ODF1: variants seen among roughly 807,000 people sequenced by gnomAD.
ODF1 encodes outer dense fiber protein 1.
Under a neutral mutation model 24.0 loss-of-function variants are expected in ODF1, and 10 were observed. The observed-to-expected ratio is 0.42, with a 90% CI of 0.26 to 0.71. The LOEUF (loss-of-function observed/expected upper bound fraction) is 0.71. Among genes scored for constraint, ODF1 ranks in the 30% least tolerant of loss-of-function variants. The pLI, the probability that ODF1 is intolerant of heterozygous loss-of-function variation, is 0.28. For missense variants in ODF1, 282 were observed against 307.9 expected (o/e 0.92, Z 0.63); for synonymous variants, 118 against 121.3 (o/e 0.97, Z 0.18).
rs1216919454 is a variant in ODF1 at position 102,560,819 on chromosome 8, T to C, written c.688T>C (p.Tyr230His). 1 of 1,612,714 alleles carries C rather than the reference T, an allele frequency of 6.2e-7. No individual in the cohort carries two copies. The highest frequency in any genetic ancestry group is 1.3e-5 in the African/African-American group (1 of 74,776). ...CAGCCCCTGCAACCCGTGCAGCCCA[T>C]ATGATCCTTGCAACCCGTGTTATCC... ...PCSPCNPCSP[Y>H]DPCNPCYPCG... Residue 230 changes from tyrosine to histidine, a missense_variant, in exon 2 of 2, where the codon TAT becomes CAT. Coordinates refer to ENST00000285402, the MANE Select transcript of ODF1 (RefSeq NM_024410.4).
Position 102,560,883 on chromosome 8 carries a change from A to G in ODF1, c.752A>G (p.Ter251=), listed in dbSNP as rs1375726637. The G allele has an allele frequency of 6.2e-7, 1 of 1,606,542 alleles. No individual in the cohort carries two copies. The highest frequency in any genetic ancestry group is 2.2e-5 in the East Asian group (1 of 44,872). ...TTTTCCTGTAGGAAGATGATTTTGT[A>G]AAGTGCGCATAGGAACCCATTACTT... ...SRFSCRKMIL[*] The change falls in exon 2 of 2, where the codon TAA becomes TGA. Residue 251 remains the stop codon, a stop_retained_variant. Coordinates refer to ENST00000285402, the MANE Select transcript of ODF1 (RefSeq NM_024410.4).
chr8:102,554,506 T>C (rs887636120), intron 1 of ODF1, among the ~76,000 whole-genome samples: 3 of 152,236 alleles, frequency 2.0e-5, no homozygotes, highest in Admixed American at 6.5e-5. Flanking sequence ...TGTGTCACAG[T>C]CAATCTGCTG....
rs1018012859 is a variant in ODF1, at chr8:102,551,790, A to G, written c.63A>G (p.Glu21=). 11 of 1,614,008 alleles carry G rather than the reference A, an allele frequency of 6.8e-6. No individual in the cohort carries two copies. Among genetic ancestry groups the G allele is most frequent in the East Asian group, 6.7e-5 (3 of 44,898 alleles). ...VRRDIKKVDR[E]LRQLRCIDEF... is the part of the protein sequence containing the mutation. ...GGGACATAAAGAAGGTGGACAGAGA[A>G]CTAAGGCAACTGAGATGCATCGACG... is the stretch of plus-strand genomic sequence containing the variant. Residue 21 remains glutamate (E), a synonymous_variant, in exon 1 of 2, where the codon GAA becomes GAG. Coordinates refer to ENST00000285402, the MANE Select transcript of ODF1 (RefSeq NM_024410.4).
intron 1 of ODF1, among the ~76,000 whole-genome samples, chr8:102,552,297 A>G (rs1235733175): frequency 6.6e-6 from 1 of 152,148 alleles, no homozygotes; most frequent in African/African-American, 2.4e-5. Context: ...GAATGCCAGT[A>G]TGATAAATAA....
chr8:102,557,253 C>T (rs150657191), intron 1 of ODF1, among the ~76,000 whole-genome samples: 1 of 152,240 alleles, frequency 6.6e-6, no homozygotes, highest in Admixed American at 6.5e-5. Context: ...CCCATAGAGC[C>T]ATGGAAAATT....
chr8:102,557,442 C>T (rs955028231), intron 1 of ODF1, among the ~76,000 whole-genome samples: 1 of 152,228 alleles, frequency 6.6e-6, no homozygotes, highest in Admixed American at 6.5e-5. Context: ...TTTTGGGCAA[C>T]TTCCTGAAGA....
At chr8:102,556,804 G>A (rs1182234879) in intron 1 of ODF1, among the ~76,000 whole-genome samples, 1 of 152,124 alleles carries the variant, frequency 6.6e-6, no homozygotes, top group Non-Finnish European at 1.5e-5. Context: ...GGAAAGAGAG[G>A]GATTGAGTTT....
intron 1 of ODF1, among the ~76,000 whole-genome samples, chr8:102,552,981 TA>T (rs1377704176): frequency 1.7e-5 from 2 of 115,168 alleles, no homozygotes; most frequent in African/African-American, 3.1e-5. Context: ...AGATGACAGA[TA>T]GATAGATAGA....
At chr8:102,554,350 C>T (rs1826083517) in intron 1 of ODF1, among the ~76,000 whole-genome samples, 1 of 152,200 alleles carries the variant, frequency 6.6e-6, no homozygotes, top group South Asian at 2.1e-4. Context: ...CATGACCTTC[C>T]TCCCCTTTAA....
Position 102,560,787 on chromosome 8 carries a change from ACCCCTGCAGCCCCTGCAACCCGTGCAG to A in ODF1, c.660_686del (p.Cys221_Pro229del), listed in dbSNP as rs773135215. 20 of 889,520 alleles carry A rather than the reference ACCCCTGCAGCCCCTGCAACCCGTGCAG, an allele frequency of 2.2e-5. No homozygotes were observed. The African/African-American group carries it at 2.7e-4, about 12-fold the overall frequency. The allele number at this position is 889,520 out of a possible 1,614,324, so 55.1% of individuals were successfully genotyped here. A position where few individuals can be genotyped will look rare whatever the true frequency, so the allele number is the denominator to read the frequency against. Reference sequence around the variant, plus strand: ...CCCTGCAGCCCCTGCAGCCCCTGCAACCCCTGCAGCCCCTGCAACCCGTGCAGCCCATATGATCCTTGCAACCCGTGT... The same window carrying A: ...CCCTGCAGCCCCTGCAGCCCCTGCAACCCATATGATCCTTGCAACCCGTGT... On this transcript the variant is annotated inframe_deletion, in exon 2 of 2. Transcript: ENST00000285402.
chr8:102,558,936 A>C (rs1826146192), intron 1 of ODF1, among the ~76,000 whole-genome samples: 1 of 151,606 alleles, frequency 6.6e-6, no homozygotes, highest in Admixed American at 6.6e-5. Flanking sequence ...TGCATAAACA[A>C]AATTCAACAT....
rs1348545589 is a variant in ODF1, at chr8:102,560,540, G to A, written c.409G>A (p.Asp137Asn). 6 of 1,614,178 alleles carry A rather than the reference G, an allele frequency of 3.7e-6. No individual in the cohort carries two copies. In the East Asian group the frequency reaches 6.7e-5, roughly 18 times the overall value. Residue 137 changes from aspartate (D) to asparagine (N), a missense_variant, in exon 2 of 2, where the codon GAT becomes AAT. Coordinates refer to ENST00000285402, the MANE Select transcript of ODF1 (RefSeq NM_024410.4). ...GSVNVCGFEPDQVKVRVKDGK... is the reference protein window; with the variant it reads ...GSVNVCGFEPNQVKVRVKDGK... ...GGTGAATGTATGCGGTTTTGAACCC[G>A]ATCAAGTCAAAGTTCGAGTGAAGGA...
intron 1 of ODF1, among the ~76,000 whole-genome samples, chr8:102,555,486 C>T (rs756341116): frequency 7.2e-5 from 11 of 152,192 alleles, no homozygotes; most frequent in Non-Finnish European, 1.3e-4. Flanking sequence ...GCACGAATCT[C>T]AGTGAAAAAT....
Position 102,551,943 on chromosome 8 carries a change from A to G in ODF1, c.216A>G (p.Pro72=). ...SRSCGLCDLY[P]CCLCDYKLYC... is the part of the protein sequence containing the mutation. ...CTTGCGGCCTGTGTGATCTCTACCCATGTTGCCTGTGTGATTATAAGCTTT... is the reference window on the plus strand; with the variant it reads ...CTTGCGGCCTGTGTGATCTCTACCCGTGTTGCCTGTGTGATTATAAGCTTT... Residue 72 remains proline, a synonymous_variant, in exon 1 of 2, where the codon CCA becomes CCG. Transcript: ENST00000285402. 6.2e-7 allele frequency: 1 copy of G among 1,614,118 alleles called. No individual in the cohort carries two copies. The highest frequency in any genetic ancestry group is 8.5e-7 in the Non-Finnish European group (1 of 1,180,026).
chr8:102,555,113 C>G (rs1343791948), intron 1 of ODF1, among the ~76,000 whole-genome samples: 1 of 152,128 alleles, frequency 6.6e-6, no homozygotes, highest in African/African-American at 2.4e-5. Flanking sequence ...CTTTTCCTCC[C>G]CAAGAGGCAG....
intron 1 of ODF1, among the ~76,000 whole-genome samples, chr8:102,555,699 A>T (rs888106079): frequency 6.6e-5 from 10 of 152,184 alleles, no homozygotes; most frequent in Non-Finnish European, 1.3e-4. Context: ...CAGAGAAAAC[A>T]TTCTAGTCTC....
At position 102,560,866 on chromosome 8, in the gene ODF1, T is replaced by C; in HGVS notation, c.735T>C (p.Cys245=). ...ATCCCTGTGGAAGCCGATTTTCCTG[T>C]AGGAAGATGATTTTGTAAAGTGCGC... The part of the protein sequence containing the change: ...PCYPCGSRFS[C]RKMIL Residue 245 remains cysteine, a synonymous_variant, in exon 2 of 2, where the codon TGT becomes TGC. Coordinates refer to ENST00000285402, the MANE Select transcript of ODF1 (RefSeq NM_024410.4). 1 of 1,611,048 alleles carries C rather than the reference T, an allele frequency of 6.2e-7. No individual in the cohort carries two copies. Among genetic ancestry groups the C allele is most frequent in the Admixed American group, 1.7e-5 (1 of 59,802 alleles).
intron 1 of ODF1, among the ~76,000 whole-genome samples, chr8:102,558,177 C>T (rs921058588): frequency 6.6e-6 from 1 of 152,256 alleles, no homozygotes; most frequent in Admixed American, 6.5e-5. Context: ...TGAGGCCGGG[C>T]GCGGTGGCTC....
chr8:102,553,610 ATCCACTCTCCT>A (rs1376193587), intron 1 of ODF1, among the ~76,000 whole-genome samples: 1 of 152,200 alleles, frequency 6.6e-6, no homozygotes, highest in African/African-American at 2.4e-5. Flanking sequence ...GCAGATCAGT[ATCCACTCTCCT>A]CCTACTTTTG....
Sources: allele counts gnomAD v4.1 joint callset (sites outside exome capture counted in the v4.1 genomes callset), GRCh38; gene constraint gnomAD v4.1.1; transcripts MANE v1.5; gene names NCBI Gene and HGNC (gene_info 2026-07-23, HGNC 2026-07-21).